Variants in RDX observed in about 807,000 individuals in gnomAD.
The protein encoded by RDX is deafness, autosomal recessive 24.
RDX carries 32 observed loss-of-function variants against 83.7 expected under a neutral mutation model. That is an observed-to-expected ratio of 0.38 (90% confidence interval 0.29 to 0.51). RDX has a LOEUF of 0.51. RDX is among the 20% of genes least tolerant of loss of function. RDX has a pLI of 0.87. For synonymous variants in RDX, 229 were observed against 222.7 expected (o/e 1.03, Z -0.25); for missense variants, 600 against 689.9 (o/e 0.87, Z 1.46).
intron 15 of RDX, among the ~76,000 whole-genome samples, chr11:110,176,116 C>T (rs188996659): frequency 8.8e-4 from 131 of 148,944 alleles, no homozygotes; most frequent in African/African-American, 2.9e-3. Context: ...GGCAGAGTCT[C>T]GCTCTGTTGC....
intron 14 of RDX, among the ~76,000 whole-genome samples, chr11:110,201,177 CAAAAAAAAAAA>C (rs34428422): frequency 1.1e-3 from 93 of 82,036 alleles, no homozygotes; most frequent in Non-Finnish European, 1.4e-3. Context: ...ACTCCCGTCT[CAAAAAAAAAAA>C]AAAAAAAAAA....
intron 14 of RDX, among the ~76,000 whole-genome samples, chr11:110,224,312 TA>T (rs1260886186): frequency 6.6e-6 from 1 of 152,102 alleles, no homozygotes; most frequent in Non-Finnish European, 1.5e-5. Flanking sequence ...AGAAGTCTGA[TA>T]AACTATTGTT....
intron 9 of RDX, among the ~76,000 whole-genome samples, chr11:110,248,684 C>T (rs144923332): frequency 2.6e-5 from 4 of 152,284 alleles, no homozygotes; most frequent in Non-Finnish European, 5.9e-5. Context: ...GAGTTAACCA[C>T]ACAGTTGCCA....
intron 1 of RDX, among the ~76,000 whole-genome samples, chr11:110,295,726 G>A (rs10789759): frequency 0.43 from 65,431 of 151,634 alleles, 14,666 homozygotes; most frequent in Non-Finnish European, 0.47. Flanking sequence ...AGGAAAAGAG[G>A]GATATCATGT....
chr11:110,265,929 C>G (rs1297861371), intron 3 of RDX, among the ~76,000 whole-genome samples: 2 of 152,072 alleles, frequency 1.3e-5, no homozygotes, highest in Non-Finnish European at 2.9e-5. Flanking sequence ...TCTATTTACC[C>G]TCCTTGACTG....
At chr11:110,273,237 G>A (rs1179051710) in intron 2 of RDX, among the ~76,000 whole-genome samples, 2 of 152,150 alleles carry the variant, frequency 1.3e-5, no homozygotes, top group Non-Finnish European at 2.9e-5. Context: ...AACAAAAAAG[G>A]CAAAGGAGGT....
Position 110,233,302 on chromosome 11 carries a change from G to A in RDX, c.1522C>T (p.His508Tyr), listed in dbSNP as rs751403876. 8.7e-6 allele frequency: 14 copies of A among 1,613,824 alleles called. No homozygotes were observed. Among genetic ancestry groups the A allele is most frequent in the Admixed American group, 6.7e-5 (4 of 59,982 alleles). ...AELSNEGVMN[H>Y]RSEEERVTET... Reference sequence around the variant, plus strand: ...GTTACACGTTCTTCCTCGCTTCTATGGTTCATTACCCCTTCATTTGATAAT... The same window carrying A: ...GTTACACGTTCTTCCTCGCTTCTATAGTTCATTACCCCTTCATTTGATAAT... The change falls in exon 13 of 14, where the codon CAT becomes TAT. Residue 508 changes from histidine to tyrosine, a missense_variant. His to Tyr is a moderately conservative substitution (Grantham distance 83). Coordinates refer to ENST00000645495, the MANE Select transcript of RDX (RefSeq NM_002906.4).
intron 14 of RDX, among the ~76,000 whole-genome samples, chr11:110,217,768 C>T (rs1242994528): frequency 6.6e-6 from 1 of 152,146 alleles, no homozygotes; most frequent in Non-Finnish European, 1.5e-5. Context: ...GGTACTTGTT[C>T]CTGAGGCGAC....
chr11:110,242,025 G>A (rs148311307), intron 10 of RDX, among the ~76,000 whole-genome samples: 1 of 152,142 alleles, frequency 6.6e-6, no homozygotes, highest in African/African-American at 2.4e-5. Context: ...TTGTGGGGAG[G>A]GGGGAAATGG....
downstream of RDX, among the ~76,000 whole-genome samples, chr11:110,228,034 T>C (rs1013018047): frequency 3.9e-5 from 6 of 152,110 alleles, no homozygotes; most frequent in African/African-American, 9.6e-5. Context: ...AAATGGAAAG[T>C]AGCTGAACCA....
chr11:110,271,747 T>C (rs979212448), intron 3 of RDX, among the ~76,000 whole-genome samples: 6 of 152,134 alleles, frequency 3.9e-5, no homozygotes, highest in Non-Finnish European at 8.8e-5. Context: ...ACATACCGGA[T>C]ACCTGACCTC....
chr11:110,254,775 C>G (rs1056467374), intron 8 of RDX, among the ~76,000 whole-genome samples: 2 of 152,080 alleles, frequency 1.3e-5, no homozygotes, highest in African/African-American at 2.4e-5. Context: ...TTGCACCCAG[C>G]CTGTTCTTCT....
In RDX at chr11:110,224,232, A is replaced by C. The variant is rs531468698; in HGVS notation, c.1748+7641T>G. The stretch of plus-strand genomic sequence containing the variant: ...TTATATATATATATTAAAAAAAAAA[A>C]ACAAAAAAACAAAACCCTTCGAATT... On this transcript the variant is annotated intron_variant, in intron 14 of 15. Transcript: ENST00000528498. Among the ~76,000 whole-genome samples, 7 of 151,858 alleles carry C rather than the reference A, an allele frequency of 4.6e-5. 1 individual carries two copies. The highest frequency in any genetic ancestry group is 1.7e-4 in the African/African-American group (7 of 41,482).
intron 15 of RDX, among the ~76,000 whole-genome samples, chr11:110,181,478 G>GCTC (rs1357052523): frequency 6.6e-6 from 1 of 152,130 alleles, no homozygotes; most frequent in Non-Finnish European, 1.5e-5. Flanking sequence ...GCATCTTAAT[G>GCTC]CTCCTCTAAG....
rs145508118 is a variant in RDX, at chr11:110,258,666, G to T, written c.468-477C>A. Among the ~76,000 whole-genome samples the T allele has an allele frequency of 5.4e-3, 822 of 152,096 alleles. 14 individuals are homozygous for T. Among genetic ancestry groups the T allele is most frequent in the African/African-American group, 0.019 (780 of 41,508 alleles). ...AAATGGCTCATTGTTAATAGATAAA[G>T]ACCAGACTGAAAACCAGAATTCTTG... On this transcript the variant is annotated intron_variant, in intron 5 of 13. Coordinates refer to ENST00000645495, the MANE Select transcript of RDX (RefSeq NM_002906.4).
At chr11:110,201,543 T>C (rs535960104) in intron 14 of RDX, among the ~76,000 whole-genome samples, 3 of 126,332 alleles carry the variant, frequency 2.4e-5, no homozygotes, top group Admixed American at 2.3e-4. Context: ...TAGATGACAG[T>C]ATTTTAGCTG....
At chr11:110,248,119 A>G (rs951453889) in intron 9 of RDX, among the ~76,000 whole-genome samples, 4 of 152,198 alleles carry the variant, frequency 2.6e-5, no homozygotes, top group Non-Finnish European at 5.9e-5. Flanking sequence ...AAAAGACCAC[A>G]TATTGGGTAT....
intron 1 of RDX, among the ~76,000 whole-genome samples, chr11:110,296,096 C>T (rs977893230): frequency 6.6e-6 from 1 of 152,254 alleles, no homozygotes; most frequent in African/African-American, 2.4e-5. Context: ...CCAGTCCAGG[C>T]AGCGGGAGCC....
chr11:110,295,778 G>T (rs1345010476), intron 1 of RDX, among the ~76,000 whole-genome samples: 3 of 152,208 alleles, frequency 2.0e-5, no homozygotes, highest in Non-Finnish European at 2.9e-5. Context: ...AAAACTGAGC[G>T]GCCTCAAGGG....
Sources: allele counts gnomAD v4.1 joint callset (sites outside exome capture counted in the v4.1 genomes callset), GRCh38; gene constraint gnomAD v4.1.1; transcripts MANE v1.5; gene names NCBI Gene and HGNC (gene_info 2026-07-23, HGNC 2026-07-21).